The following MTCH1 variants were observed in gnomAD, a reference collection of about 807,000 sequenced individuals.
MTCH1 encodes the protein mitochondrial carrier 1.
A neutral mutation model predicts 49.3 loss-of-function variants in MTCH1; 23 were observed. The observed-to-expected ratio is 0.47, with a 90% CI of 0.34 to 0.66. The LOEUF (loss-of-function observed/expected upper bound fraction) is 0.66, where lower values mean the gene tolerates loss of function less well. MTCH1 is among the 30% of genes least tolerant of loss of function. The pLI is 0.01. For missense variants in MTCH1, 397 were observed against 532.1 expected (o/e 0.75, Z 2.50); for synonymous variants, 229 against 215.2 (o/e 1.06, Z -0.56).
At chr6:36,981,294 T>C (rs1764077667) in intron 2 of MTCH1, among the ~76,000 whole-genome samples, 1 of 152,038 alleles carries the variant, frequency 6.6e-6, no homozygotes, top group Non-Finnish European at 1.5e-5. Context: ...GCAGAAATAA[T>C]AGGGACCAGT....
At position 36,977,833 on chromosome 6, in the gene MTCH1, CTGT is replaced by C. The variant is rs1258069937; in HGVS notation, c.592-145_592-143del. 4 of 806,012 alleles carry C rather than the reference CTGT, an allele frequency of 5.0e-6. No individual in the cohort carries two copies. The Admixed American group carries it at 1.0e-4, about 20-fold the overall frequency. 49.9% of individuals were successfully genotyped at this position (806,012 alleles called of 1,614,324 possible). The stretch of plus-strand genomic sequence containing the variant: ...GTCGGTCTGCCAAGGATGGCTCCAC[CTGT>C]TGCCCACTCCCCAGTCCCCCACCCA... On this transcript the variant is annotated intron_variant, in intron 4 of 11. Transcript: ENST00000373627. The surrounding 1 kb of genome is among the most constrained non-coding windows in gnomAD (Gnocchi z 5.4).
chr6:36,970,319 G>T (rs763644212), intron 10 of MTCH1, 87 bp downstream of exon 10: 395 of 1,545,330 alleles, frequency 2.6e-4, no homozygotes, highest in Non-Finnish European at 3.4e-4. Context: ...CAGGTGGGAG[G>T]GGGCAGAGTG....
intron 7 of MTCH1, among the ~76,000 whole-genome samples, chr6:36,974,227 G>GTC: frequency 6.6e-6 from 1 of 152,076 alleles, no homozygotes; most frequent in East Asian, 1.9e-4. Context: ...AAGAGACAGG[G>GTC]TCTCACTCTA....
chr6:36,981,568 T>C lies in MTCH1; in HGVS notation c.406+20A>G. 6.2e-7 allele frequency: 1 copy of C among 1,612,504 alleles called. No homozygotes were observed. Among genetic ancestry groups the C allele is most frequent in the South Asian group, 1.1e-5 (1 of 90,806 alleles). ...TCTTTTCTGTTGGTGTGGGCTTTCC[T>C]GCTTGGGAGGCACACTCACCGTAGG... is the stretch of plus-strand genomic sequence containing the variant. On this transcript the variant is annotated intron_variant, in intron 2 of 11. Coordinates refer to ENST00000373627, the MANE Select transcript of MTCH1 (RefSeq NM_001271641.2).
At position 36,986,102 on chromosome 6, in the gene MTCH1, A is replaced by C. The variant is rs1764305669; in HGVS notation, c.72T>G (p.Ala24=). The C allele has an allele frequency of 7.0e-7, 1 of 1,438,672 alleles. No homozygotes were observed. Among genetic ancestry groups the C allele is most frequent in the Non-Finnish European group, 9.0e-7 (1 of 1,106,740 alleles). The allele number at this position is 1,438,672 out of a possible 1,614,324, so 89.1% of individuals were successfully genotyped here. ...GGAAGMAGAG[A]GAGARGGAAA... ...CCGCTCCGCCGCGAGCTCCGGCTCC[A>C]GCTCCGGCTCCCGCCATCCCCGCGG... Residue 24 remains alanine (A), a synonymous_variant, in exon 1 of 12, where the codon GCT becomes GCG. Transcript: ENST00000373627.
intron 1 of MTCH1, 128 bp from the exon 2 acceptor site, chr6:36,981,800 A>G: frequency 3.9e-6 from 3 of 776,034 alleles, no homozygotes; most frequent in Non-Finnish European, 6.0e-6. Context: ...GCTCTTGTTC[A>G]TGTTTTCCCC....
chr6:36,977,810 C>T lies in MTCH1; in HGVS notation c.592-119G>A. ...CTGTCCCAGGGACTGCACATGGGGT[C>T]GGTCTGCCAAGGATGGCTCCACCTG... On this transcript the variant is annotated intron_variant, in intron 4 of 11. Transcript: ENST00000373627. This position sits in a 1 kb window ranked among gnomAD's most constrained non-coding sequence, Gnocchi z 5.4. The T allele has an allele frequency of 6.3e-6, 6 of 951,112 alleles. 1 individual carries two copies. Among genetic ancestry groups the T allele is most frequent in the South Asian group, 4.8e-5 (3 of 61,962 alleles). 58.9% of individuals were successfully genotyped at this position (951,112 alleles called of 1,614,324 possible). A position where few individuals can be genotyped will look rare whatever the true frequency, so the allele number is the denominator to read the frequency against.
At chr6:36,969,029 C>G in intron 11 of MTCH1, 55 bp from the exon 12 acceptor site, 1 of 1,596,632 alleles carries the variant, frequency 6.3e-7, no homozygotes, top group Non-Finnish European at 8.5e-7. Flanking sequence ...TTCCTTGTCC[C>G]TCCGAGAGGA....
chr6:36,972,861 CCCAGG>C lies in MTCH1; in HGVS notation c.762-70_762-66del. 1 of 1,463,920 alleles carries C rather than the reference CCCAGG, an allele frequency of 6.8e-7. No homozygotes were observed. Among genetic ancestry groups the C allele is most frequent in the South Asian group, 1.3e-5 (1 of 78,488 alleles). 90.7% of individuals were successfully genotyped at this position (1,463,920 alleles called of 1,614,324 possible). The stretch of plus-strand genomic sequence containing the variant: ...AGGAGCAGTTCCTGGGGGCTCCACA[CCCAGG>C]AAGCAGGCAGGGATGTTCCGAGCTC... On this transcript the variant is annotated intron_variant, in intron 7 of 11. Transcript: ENST00000373627. The surrounding 1 kb of genome is among the most constrained non-coding windows in gnomAD (Gnocchi z 4.1).
intron 1 of MTCH1, among the ~76,000 whole-genome samples, chr6:36,983,597 C>A (rs1764185238): frequency 6.6e-6 from 1 of 152,144 alleles, no homozygotes; most frequent in African/African-American, 2.4e-5. Flanking sequence ...TCATTAAACC[C>A]AATTTCAACC....
rs1473362603 is a variant in MTCH1 at position 36,972,807 on chromosome 6, AG to A, written c.762-12del. ...TGAGGGATTAATCCACTAAAAAACA[AG>A]GTAAGCAGAGATGAGCAGGAGAGGG... On this transcript the variant is annotated splice_polypyrimidine_tract_variant and intron_variant, in intron 7 of 11. Coordinates refer to ENST00000373627, the MANE Select transcript of MTCH1 (RefSeq NM_001271641.2). The surrounding 1 kb of genome is among the most constrained non-coding windows in gnomAD (Gnocchi z 4.1). 1 of 1,544,072 alleles carries A rather than the reference AG, an allele frequency of 6.5e-7. No homozygotes were observed. Among genetic ancestry groups the A allele is most frequent in the South Asian group, 1.2e-5 (1 of 83,844 alleles).
In MTCH1 at chr6:36,982,982, G is replaced by A. The variant is rs1764157481; in HGVS notation, c.322-1310C>T. 6.6e-6 allele frequency among the ~76,000 whole-genome samples: 1 copy of A among 152,238 alleles called. No individual in the cohort carries two copies. The highest frequency in any genetic ancestry group is 1.5e-5 in the Non-Finnish European group (1 of 68,038). ...GGGAGGCAGTAGAAGTGGCAAGTTA[G>A]AAAGCGCTACCTTGTAAACTGGATT... On this transcript the variant is annotated intron_variant, in intron 1 of 11. Coordinates refer to ENST00000373627, the MANE Select transcript of MTCH1 (RefSeq NM_001271641.2). This position sits in a 1 kb window ranked among gnomAD's most constrained non-coding sequence, Gnocchi z 4.1.
At chr6:36,971,107 G>C (rs1763670667) in intron 8 of MTCH1, among the ~76,000 whole-genome samples, 1 of 152,150 alleles carries the variant, frequency 6.6e-6, no homozygotes, top group Admixed American at 6.5e-5. Flanking sequence ...CTCCACCTCA[G>C]CAAGCTTTTC....
chr6:36,986,177 G>T lies in MTCH1; in HGVS notation c.-4C>A. On this transcript the variant is annotated 5_prime_UTR_variant, in exon 1 of 12. Coordinates refer to ENST00000373627, the MANE Select transcript of MTCH1 (RefSeq NM_001271641.2). ...CTTCCGGGTCCGAAGCTCCCATGGC[G>T]CCCGGCGGCGAGGTCACTCCCCGTC... is the stretch of plus-strand genomic sequence containing the variant. The T allele has an allele frequency of 1.4e-6, 2 of 1,425,370 alleles. No homozygotes were observed. The highest frequency in any genetic ancestry group is 3.1e-5 in the East Asian group (1 of 32,106). The allele number at this position is 1,425,370 out of a possible 1,614,324, so 88.3% of individuals were successfully genotyped here. A position where few individuals can be genotyped will look rare whatever the true frequency, so the allele number is the denominator to read the frequency against.
intron 2 of MTCH1, among the ~76,000 whole-genome samples, chr6:36,980,376 G>A (rs1322656490): frequency 6.6e-6 from 1 of 152,196 alleles, no homozygotes. Context: ...AAAAAGCCCC[G>A]TGCAGGGCCG....
In MTCH1 at chr6:36,982,737, T is replaced by C. The variant is rs1764146598; in HGVS notation, c.322-1065A>G. On this transcript the variant is annotated intron_variant, in intron 1 of 11. Coordinates refer to ENST00000373627, the MANE Select transcript of MTCH1 (RefSeq NM_001271641.2). This position sits in a 1 kb window ranked among gnomAD's most constrained non-coding sequence, Gnocchi z 4.1. ...GTGGGTGAAGGACCATCCATATCCA[T>C]GTGAGGAGCAGGAAGTCTCTGTCGA... Among the ~76,000 whole-genome samples, 1 of 152,178 alleles carries C rather than the reference T, an allele frequency of 6.6e-6. No individual in the cohort carries two copies. Among genetic ancestry groups the C allele is most frequent in the Non-Finnish European group, 1.5e-5 (1 of 68,024 alleles).
chr6:36,978,047 C>T, intron 4 of MTCH1, 31 bp downstream of exon 4: 1 of 1,570,404 alleles, frequency 6.4e-7, no homozygotes, highest in Non-Finnish European at 8.8e-7. Context: ...CCCCTCCACG[C>T]ACCTCTCCCT....
At chr6:36,974,520 G>GC (rs1763793994) in intron 7 of MTCH1, among the ~76,000 whole-genome samples, 1 of 152,108 alleles carries the variant, frequency 6.6e-6, no homozygotes, top group East Asian at 1.9e-4. Context: ...ACAGATGCAA[G>GC]CAACGACACC....
Position 36,972,826 on chromosome 6 carries a change from G to A in MTCH1, c.762-30C>T. The A allele has an allele frequency of 6.5e-7, 1 of 1,530,982 alleles. No homozygotes were observed. The highest frequency in any genetic ancestry group is 8.8e-7 in the Non-Finnish European group (1 of 1,130,786). The allele number at this position is 1,530,982 out of a possible 1,614,324, so 94.8% of individuals were successfully genotyped here. On this transcript the variant is annotated intron_variant, in intron 7 of 11. Transcript: ENST00000373627. This position sits in a 1 kb window ranked among gnomAD's most constrained non-coding sequence, Gnocchi z 4.1. ...AAAACAAGGTAAGCAGAGATGAGCA[G>A]GAGAGGGAGAGGAGCAGTTCCTGGG...
Sources: allele counts gnomAD v4.1 joint callset (sites outside exome capture counted in the v4.1 genomes callset), GRCh38; gene constraint gnomAD v4.1.1; non-coding constraint Gnocchi (gnomAD v3.1); transcripts MANE v1.5; gene names NCBI Gene and HGNC (gene_info 2026-07-23, HGNC 2026-07-21).